CACNA1C: variants seen among roughly 807,000 people sequenced by gnomAD.
CACNA1C encodes calcium voltage-gated channel subunit alpha1 C.
CACNA1C carries 30 observed loss-of-function variants against 229.0 expected under a neutral mutation model. That is an observed-to-expected ratio of 0.13 (90% CI 0.10 to 0.18). The LOEUF is 0.18. CACNA1C is among the 10% of genes least tolerant of loss of function. The probability of loss-of-function intolerance (pLI) is 1.00; values close to 1 mark genes in which losing one functional copy is unlikely to be tolerated. For missense variants in CACNA1C, 1,658 were observed against 2,845.0 expected (o/e 0.58, Z 9.49); for synonymous variants, 1,114 against 1,132.5 (o/e 0.98, Z 0.33).
chr12:2,420,702 A>G (rs546421212), intron 3 of CACNA1C, among the ~76,000 whole-genome samples: 46 of 152,368 alleles, frequency 3.0e-4, no homozygotes, highest in African/African-American at 1.1e-3. Flanking sequence ...CATGGTGAGC[A>G]TCCAGCAGCA....
intron 9 of CACNA1C, among the ~76,000 whole-genome samples, chr12:2,541,974 T>A (rs1358291506): frequency 1.3e-5 from 2 of 152,034 alleles, no homozygotes; most frequent in Non-Finnish European, 2.9e-5. Flanking sequence ...GGCCGGATAT[T>A]CTCTATGAGG....
At chr12:2,119,195 C>G (rs2154144253) in intron 2 of CACNA1C, among the ~76,000 whole-genome samples, 1 of 152,348 alleles carries the variant, frequency 6.6e-6, no homozygotes, top group South Asian at 2.1e-4. Context: ...TAGATCATCT[C>G]TAAGGTCTCT....
At chr12:2,450,451 G>A (rs12228681) in intron 4 of CACNA1C, among the ~76,000 whole-genome samples, 15,260 of 150,246 alleles carry the variant, frequency 0.1, 1,318 homozygotes, top group African/African-American at 0.23. Flanking sequence ...CTACTCGGGA[G>A]GCTGAGGCAG....
chr12:2,629,143 C>T (rs536152510), intron 29 of CACNA1C, among the ~76,000 whole-genome samples: 7 of 152,292 alleles, frequency 4.6e-5, no homozygotes, highest in East Asian at 3.9e-4. Flanking sequence ...ATAAAGACAA[C>T]GGTGATGACG....
chr12:2,441,255 A>G (rs2099222725), intron 3 of CACNA1C, among the ~76,000 whole-genome samples: 1 of 152,154 alleles, frequency 6.6e-6, no homozygotes, highest in Non-Finnish European at 1.5e-5. Context: ...TCTGTCACCT[A>G]GTGGATGTAG....
intron 37 of CACNA1C, among the ~76,000 whole-genome samples, chr12:2,668,276 T>C (rs923993404): frequency 7.9e-5 from 12 of 152,116 alleles, no homozygotes; most frequent in African/African-American, 2.9e-4. Context: ...TTCACATCCT[T>C]TTGTGGAAGT....
At chr12:2,309,440 A>G (rs1446340104) in intron 3 of CACNA1C, among the ~76,000 whole-genome samples, 1 of 152,106 alleles carries the variant, frequency 6.6e-6, no homozygotes, top group African/African-American at 2.4e-5. Context: ...TGTATATTTG[A>G]AATTTGCTAA....
At chr12:2,156,268 TA>T (rs567549551) in intron 3 of CACNA1C, among the ~76,000 whole-genome samples, 31 of 152,304 alleles carry the variant, frequency 2.0e-4, no homozygotes, top group Middle Eastern at 3.4e-3. Context: ...CATTAAACTA[TA>T]AAAATATGTC....
At chr12:2,406,690 A>G (rs2098741281) in intron 3 of CACNA1C, among the ~76,000 whole-genome samples, 1 of 152,216 alleles carries the variant, frequency 6.6e-6, no homozygotes, top group Non-Finnish European at 1.5e-5. Flanking sequence ...GCCTGCTTGT[A>G]ATTGCTTGTT....
chr12:2,032,149 G>T (rs977829396), intron 1 of CACNA1C, among the ~76,000 whole-genome samples: 1 of 152,100 alleles, frequency 6.6e-6, no homozygotes, highest in Admixed American at 6.5e-5. Context: ...AACCGGAGGG[G>T]GCGGGCATGC....
At chr12:2,570,183 G>A (rs1054137524) in intron 13 of CACNA1C, among the ~76,000 whole-genome samples, 2 of 152,182 alleles carry the variant, frequency 1.3e-5, no homozygotes, top group South Asian at 2.1e-4. Context: ...CTGCTTTGGG[G>A]GCTCCCAAAA....
chr12:2,500,261 G>A (rs1056134857), intron 7 of CACNA1C, among the ~76,000 whole-genome samples: 1 of 152,194 alleles, frequency 6.6e-6, no homozygotes, highest in African/African-American at 2.4e-5. Context: ...GGTCCTGGCT[G>A]TCTGTGGGGC....
chr12:1,989,339 A>G (rs868513879), intron 1 of CACNA1C, among the ~76,000 whole-genome samples: 2 of 152,176 alleles, frequency 1.3e-5, no homozygotes, highest in African/African-American at 4.8e-5. Context: ...ACTTGTCTCT[A>G]AAGAGCAGAG....
chr12:2,085,210 C>T (rs933585574), intron 1 of CACNA1C, among the ~76,000 whole-genome samples: 3 of 152,152 alleles, frequency 2.0e-5, no homozygotes, highest in African/African-American at 7.2e-5. Context: ...TGCAGACCCT[C>T]CTGAGTGTAT....
At chr12:2,110,949 C>CGAGAGGCCACACCTGTCTCACCG (rs2081445175) in intron 1 of CACNA1C, among the ~76,000 whole-genome samples, 1 of 149,324 alleles carries the variant, frequency 6.7e-6, no homozygotes, top group Non-Finnish European at 1.5e-5. Context: ...CTGTCTCACC[C>CGAGAGGCCACACCTGTCTCACCG]GAGAGGCCAC....
At chr12:2,115,607 G>A (rs112807595) in intron 2 of CACNA1C, 62 bp downstream of exon 2, 817 of 1,533,412 alleles carry the variant, frequency 5.3e-4, no homozygotes, top group Non-Finnish European at 7.0e-4. Flanking sequence ...CCAGCCCTCC[G>A]AGGCTCCCTG....
At chr12:2,009,510 G>A (rs1344014601) in intron 1 of CACNA1C, among the ~76,000 whole-genome samples, 1 of 152,198 alleles carries the variant, frequency 6.6e-6, no homozygotes, top group African/African-American at 2.4e-5. Flanking sequence ...TACCCTCTAA[G>A]TCTGGCATTT....
rs749169411 is a variant in CACNA1C, at chr12:2,607,028, T to A, written c.3254T>A (p.Ile1085Asn). 6.2e-7 allele frequency: 1 copy of A among 1,613,980 alleles called. No individual in the cohort carries two copies. Among genetic ancestry groups the A allele is most frequent in the South Asian group, 1.1e-5 (1 of 91,074 alleles). ...AAAGACGGGGAGGTTGACCACCCCA[T>A]CATCCAACCCCGCAGCTGGGAGAAC... ...TYKDGEVDHP[I>N]IQPRSWENSK... Residue 1085 changes from isoleucine to asparagine, a missense_variant, in exon 26 of 47, where the codon ATC becomes AAC. Around this residue, in one of 20 missense-constraint regions of CACNA1C, gnomAD observed 77 missense variants for 130.9 expected, o/e 0.59. Coordinates refer to ENST00000399655, the MANE Select transcript of CACNA1C (RefSeq NM_000719.7).
At chr12:2,326,924 G>A (rs1329732496) in intron 3 of CACNA1C, among the ~76,000 whole-genome samples, 1 of 152,214 alleles carries the variant, frequency 6.6e-6, no homozygotes, top group Non-Finnish European at 1.5e-5. Context: ...ACTCCAGGAG[G>A]CTCCTGATTT....
Sources: allele counts gnomAD v4.1 joint callset (sites outside exome capture counted in the v4.1 genomes callset), GRCh38; gene constraint gnomAD v4.1.1; regional missense constraint gnomAD v4.1.1; transcripts MANE v1.5; gene names NCBI Gene and HGNC (gene_info 2026-07-23, HGNC 2026-07-21).